Variants in RBM18 observed in about 807,000 individuals in gnomAD.
RBM18 encodes RNA binding motif protein 18.
Under a neutral mutation model 26.4 loss-of-function variants are expected in RBM18, and 18 were observed. The observed-to-expected ratio is 0.68, with a 90% CI of 0.47 to 1.01. The LOEUF is 1.01. RBM18 is among the 50% of genes least tolerant of loss of function. The pLI, the probability that RBM18 is intolerant of heterozygous loss-of-function variation, is 0.00. For missense variants in RBM18, 180 were observed against 219.2 expected (o/e 0.82, Z 1.13); for synonymous variants, 74 against 81.1 (o/e 0.91, Z 0.47).
chr9:122,255,142 TTTG>T (rs1273052767), intron 2 of RBM18, among the ~76,000 whole-genome samples: 1 of 152,178 alleles, frequency 6.6e-6, no homozygotes, highest in Non-Finnish European at 1.5e-5. Context: ...TGATGCACAA[TTTG>T]TTGTAGAGAA....
chr9:122,249,017 C>T (rs7019773), intron 3 of RBM18, among the ~76,000 whole-genome samples: 147,698 of 152,330 alleles, frequency 0.97, 71,615 homozygotes, highest in East Asian at 1. Flanking sequence ...TATTTTATTC[C>T]TTTAAGCTTC....
intron 3 of RBM18, among the ~76,000 whole-genome samples, chr9:122,249,708 CA>C (rs575973401): frequency 2.2e-4 from 30 of 137,810 alleles, no homozygotes; most frequent in Admixed American, 5.1e-4. Context: ...GACCCTGTCT[CA>C]AAAAAAAAAA....
chr9:122,250,007 G>A (rs1831572709), intron 3 of RBM18, among the ~76,000 whole-genome samples: 2 of 139,604 alleles, frequency 1.4e-5, no homozygotes, highest in Non-Finnish European at 3.0e-5. Context: ...GAGGTCAAGG[G>A]TGCAGTGGGT....
chr9:122,258,411 G>A (rs1318312293), intron 2 of RBM18, among the ~76,000 whole-genome samples: 2 of 152,064 alleles, frequency 1.3e-5, no homozygotes, highest in Non-Finnish European at 2.9e-5. Flanking sequence ...TAGGACTACA[G>A]GCAACCGCCA....
intron 2 of RBM18, among the ~76,000 whole-genome samples, chr9:122,257,990 C>T (rs1383190862): frequency 2.0e-5 from 3 of 152,298 alleles, no homozygotes; most frequent in South Asian, 4.1e-4. Flanking sequence ...GATTGCACCA[C>T]AAGACAGGTA....
In RBM18 at chr9:122,241,191, CA is replaced by C. The variant is rs1831410099; in HGVS notation, c.*692del. On this transcript the variant is annotated 3_prime_UTR_variant, in exon 6 of 6. Transcript: ENST00000417201. ...TGCTATAGAATAAAAGTTCAATTTC[CA>C]AATAGAACTTGTGTTGTGGTATAAA... 6.6e-6 allele frequency: 1 copy of C among 152,042 alleles called. No individual in the cohort carries two copies. The highest frequency in any genetic ancestry group is 1.5e-5 in the Non-Finnish European group (1 of 68,012). 9.4% of individuals were successfully genotyped at this position (152,042 alleles called of 1,614,324 possible). A position where few individuals can be genotyped will look rare whatever the true frequency, so the allele number is the denominator to read the frequency against.
chr9:122,248,359 G>A (rs900671181), intron 3 of RBM18, among the ~76,000 whole-genome samples: 2 of 152,062 alleles, frequency 1.3e-5, no homozygotes, highest in African/African-American at 2.4e-5. Flanking sequence ...ATGCACTTCC[G>A]TTAGGTAGGG....
chr9:122,258,437 T>A (rs1831732603), intron 2 of RBM18, among the ~76,000 whole-genome samples: 1 of 152,030 alleles, frequency 6.6e-6, no homozygotes, highest in South Asian at 2.1e-4. Flanking sequence ...CCTGGATAAT[T>A]TTTGTATTTT....
rs1331918620 is a variant in RBM18 at position 122,240,092 on chromosome 9, G to A, written c.*1792C>T. 6.6e-6 allele frequency: 1 copy of A among 152,036 alleles called. No individual in the cohort carries two copies. Among genetic ancestry groups the A allele is most frequent in the Non-Finnish European group, 1.5e-5 (1 of 68,016 alleles). The allele number at this position is 152,036 out of a possible 1,614,324, so 9.4% of individuals were successfully genotyped here. ...GCTTTAAATACAAATAAATAGCTCT[G>A]GTTTCTAAAGGAAACAACTCTATAT... On this transcript the variant is annotated 3_prime_UTR_variant, in exon 6 of 6. Transcript: ENST00000417201.
intron 5 of RBM18, among the ~76,000 whole-genome samples, chr9:122,243,075 G>T (rs762111816): frequency 3.3e-5 from 5 of 152,072 alleles, no homozygotes; most frequent in African/African-American, 4.8e-5. Flanking sequence ...TGATCCGTCC[G>T]CCTTGACCTC....
intron 4 of RBM18, 140 bp downstream of exon 4, chr9:122,247,378 A>C (rs1831520756): frequency 1.6e-5 from 11 of 697,094 alleles, no homozygotes; most frequent in Non-Finnish European, 2.8e-5. Flanking sequence ...GGCAACACAC[A>C]TGGTAGATAC....
intron 2 of RBM18, among the ~76,000 whole-genome samples, chr9:122,253,277 T>G (rs1774448852): frequency 6.6e-6 from 1 of 152,182 alleles, no homozygotes; most frequent in South Asian, 2.1e-4. Context: ...AATTTGATAC[T>G]AATGCACATC....
At chr9:122,255,331 T>G (rs1259138040) in intron 2 of RBM18, among the ~76,000 whole-genome samples, 1 of 152,200 alleles carries the variant, frequency 6.6e-6, no homozygotes, top group Non-Finnish European at 1.5e-5. Context: ...ACATAAGGTA[T>G]GGACTGAGAG....
intron 2 of RBM18, among the ~76,000 whole-genome samples, chr9:122,258,849 TCTAGGTTG>T (rs1831740290): frequency 6.9e-6 from 1 of 145,946 alleles, no homozygotes; most frequent in Non-Finnish European, 1.5e-5. Flanking sequence ...ACCCAGGAGT[TCTAGGTTG>T]CCATGAGCTA....
chr9:122,247,239 G>A (rs749461699), intron 4 of RBM18, among the ~76,000 whole-genome samples: 2 of 152,056 alleles, frequency 1.3e-5, no homozygotes, highest in African/African-American at 2.4e-5. Context: ...CCCTCCACCC[G>A]AAGAAATGAC....
chr9:122,243,929 T>C, intron 5 of RBM18: 1 of 932,138 alleles, frequency 1.1e-6, no homozygotes, highest in South Asian at 4.9e-5. Context: ...CATATACAAA[T>C]CATAAGAAAC....
intron 2 of RBM18, among the ~76,000 whole-genome samples, chr9:122,258,277 C>T (rs1365037142): frequency 1.3e-5 from 2 of 151,922 alleles, no homozygotes; most frequent in Non-Finnish European, 2.9e-5. Context: ...TTCTTTCTTT[C>T]TTTCTTTTTG....
intron 2 of RBM18, among the ~76,000 whole-genome samples, chr9:122,252,351 T>C (rs1032563854): frequency 6.6e-6 from 1 of 152,220 alleles, no homozygotes; most frequent in Non-Finnish European, 1.5e-5. Flanking sequence ...TAACTATAAC[T>C]CCATCAGAAA....
chr9:122,251,825 A>C, intron 3 of RBM18, 22 bp downstream of exon 3: 1 of 1,608,456 alleles, frequency 6.2e-7, no homozygotes. Flanking sequence ...AATATTATAA[A>C]ATGGGGAGAA....
Sources: gnomAD v4.1 joint callset for allele counts (sites outside exome capture counted in the v4.1 genomes callset) on GRCh38, gnomAD v4.1.1 for gene constraint, MANE v1.5 for transcripts, NCBI Gene and HGNC (gene_info 2026-07-23, HGNC 2026-07-21) for gene names.